WWOX: variants seen among roughly 807,000 people sequenced by gnomAD.
The protein encoded by WWOX is WW domain-containing oxidoreductase.
WWOX carries 69 observed loss-of-function variants against 46.2 expected under a neutral mutation model. The ratio of observed to expected loss-of-function variants is 1.49; its 90% CI spans 1.23 to 1.82. The LOEUF (loss-of-function observed/expected upper bound fraction) is 1.82, where lower values mean the gene tolerates loss of function less well. Ranked by LOEUF, WWOX falls within the 40% of genes most tolerant of loss-of-function variation. The pLI is 0.00. For synonymous variants in WWOX, 359 were observed against 202.6 expected, an observed-to-expected ratio of 1.77 and a Z score of -6.56; for missense variants, 919 against 542.6, an observed-to-expected ratio of 1.69 and a Z score of -6.89.
In WWOX at chr16:78,132,174, G is replaced by A. The variant is rs1038042385; in HGVS notation, c.409+17020G>A. Reference sequence around the variant, plus strand: ...CGAGTAGCTGGGACTACAGGTGCCCGCCACCACGCCCGGCTAATTTTTTTG... The same window carrying A: ...CGAGTAGCTGGGACTACAGGTGCCCACCACCACGCCCGGCTAATTTTTTTG... On this transcript the variant is annotated intron_variant, in intron 4 of 8. Coordinates refer to ENST00000566780, the MANE Select transcript of WWOX (RefSeq NM_016373.4). Among the ~76,000 whole-genome samples the A allele has an allele frequency of 7.3e-5, 11 of 151,592 alleles. No homozygotes were observed. In the South Asian group the frequency reaches 8.4e-4, roughly 12 times the overall value.
intron 8 of WWOX, among the ~76,000 whole-genome samples, chr16:78,625,126 G>A (rs1460025219): frequency 6.6e-6 from 1 of 152,200 alleles, no homozygotes; most frequent in Non-Finnish European, 1.5e-5. Flanking sequence ...CCATTCCTAA[G>A]CTACTAAAAC....
rs945552381 is a variant in WWOX at position 79,018,363 on chromosome 16, A to G, written c.1057-193245A>G. On this transcript the variant is annotated intron_variant, in intron 8 of 8. Transcript: ENST00000566780. ...GCCAAAGCCAAATAGTGCTCTGTAA[A>G]CATTATGATTTGTCAGTAATCAATG... 3.9e-5 allele frequency among the ~76,000 whole-genome samples: 6 copies of G among 152,226 alleles called. No homozygotes were observed. In the East Asian group the frequency reaches 7.7e-4, roughly 20 times the overall value.
At chr16:78,596,813 C>A (rs866694032) in intron 8 of WWOX, among the ~76,000 whole-genome samples, 2 of 73,108 alleles carry the variant, frequency 2.7e-5, no homozygotes, top group Non-Finnish European at 6.9e-5. Flanking sequence ...GTTTCAGCTG[C>A]CCTCATCTTT....
chr16:79,150,742 A>T (rs1169624248), intron 8 of WWOX, among the ~76,000 whole-genome samples: 1 of 152,148 alleles, frequency 6.6e-6, no homozygotes, highest in Non-Finnish European at 1.5e-5. Flanking sequence ...CCTGGACTCA[A>T]GTGACTTTAC....
At chr16:78,603,135 G>C (rs1567428848) in intron 8 of WWOX, among the ~76,000 whole-genome samples, 1 of 152,104 alleles carries the variant, frequency 6.6e-6, no homozygotes, top group Non-Finnish European at 1.5e-5. Flanking sequence ...CCCCACTCTT[G>C]GGCAAGGCTC....
chr16:78,656,323 C>G (rs768278869), intron 8 of WWOX, among the ~76,000 whole-genome samples: 1 of 152,086 alleles, frequency 6.6e-6, no homozygotes, highest in African/African-American at 2.4e-5. Context: ...TCTGTCCCCT[C>G]CTGGTGCCTG....
chr16:78,617,061 G>GA (rs2151638208), intron 8 of WWOX, among the ~76,000 whole-genome samples: 1 of 152,282 alleles, frequency 6.6e-6, no homozygotes, highest in South Asian at 2.1e-4. Flanking sequence ...CACATGGCCA[G>GA]AAAAATAGCT....
At chr16:78,775,725 G>A (rs942703922) in intron 8 of WWOX, among the ~76,000 whole-genome samples, 3 of 152,154 alleles carry the variant, frequency 2.0e-5, no homozygotes, top group African/African-American at 7.2e-5. Flanking sequence ...TCAATGGTGG[G>A]TATTATTATA....
chr16:79,053,683 C>T (rs1011628030), intron 8 of WWOX, among the ~76,000 whole-genome samples: 17 of 152,102 alleles, frequency 1.1e-4, no homozygotes, highest in South Asian at 2.1e-4. Context: ...GGTTGGGGAA[C>T]GCTTTTAGAG....
intron 8 of WWOX, among the ~76,000 whole-genome samples, chr16:79,015,169 C>T (rs1203597094): frequency 6.6e-6 from 1 of 152,106 alleles, no homozygotes; most frequent in African/African-American, 2.4e-5. Context: ...TGAGTTTCTG[C>T]AGTGTTCTAG....
chr16:78,591,777 G>T (rs575245414), intron 8 of WWOX, among the ~76,000 whole-genome samples: 1 of 152,310 alleles, frequency 6.6e-6, no homozygotes, highest in East Asian at 1.9e-4. Context: ...ACTGGACAGG[G>T]TGGCCTGGGG....
chr16:78,197,863 G>A (rs2036104246), intron 5 of WWOX, among the ~76,000 whole-genome samples: 1 of 152,066 alleles, frequency 6.6e-6, no homozygotes, highest in South Asian at 2.1e-4. Flanking sequence ...TGAAAACAGA[G>A]CCCCCATATG....
chr16:78,910,664 C>G (rs1274865354), intron 8 of WWOX, among the ~76,000 whole-genome samples: 1 of 151,932 alleles, frequency 6.6e-6, no homozygotes, highest in Non-Finnish European at 1.5e-5. Flanking sequence ...AGAAGGCAAA[C>G]AAGGAGCAAA....
intron 5 of WWOX, among the ~76,000 whole-genome samples, chr16:78,246,680 G>A (rs186247603): frequency 5.3e-5 from 8 of 152,278 alleles, no homozygotes; most frequent in African/African-American, 9.6e-5. Flanking sequence ...TTAAATGCCC[G>A]TGTTGATTTC....
intron 5 of WWOX, among the ~76,000 whole-genome samples, chr16:78,354,739 G>A (rs1283135096): frequency 3.9e-5 from 6 of 151,980 alleles, no homozygotes; most frequent in Non-Finnish European, 7.4e-5. Context: ...CTCTCATTCT[G>A]TTAAATTTTG....
intron 5 of WWOX, among the ~76,000 whole-genome samples, chr16:78,165,395 A>C (rs977968674): frequency 6.6e-6 from 1 of 152,206 alleles, no homozygotes; most frequent in Non-Finnish European, 1.5e-5. Context: ...AAAAACACAG[A>C]TCTTAATGTA....
intron 8 of WWOX, among the ~76,000 whole-genome samples, chr16:78,948,108 C>T (rs531340496): frequency 6.6e-6 from 1 of 152,208 alleles, no homozygotes; most frequent in Admixed American, 6.5e-5. Flanking sequence ...CTGCTAGCAT[C>T]TTGCCTTACT....
In WWOX at chr16:78,850,334, C is replaced by T. The variant is rs529917456; in HGVS notation, c.1057-361274C>T. ...CGCCTCCATAATATTAGTTATAATA[C>T]ATTGATACTACATCCCGAGTGTTTC... On this transcript the variant is annotated intron_variant, in intron 8 of 8. Transcript: ENST00000566780. Among the ~76,000 whole-genome samples, 28 of 152,282 alleles carry T rather than the reference C, an allele frequency of 1.8e-4. No homozygotes were observed. In the East Asian group the frequency reaches 4.6e-3, roughly 25 times the overall value.
At chr16:78,659,901 G>A (rs552201069) in intron 8 of WWOX, among the ~76,000 whole-genome samples, 19 of 152,198 alleles carry the variant, frequency 1.2e-4, no homozygotes, top group African/African-American at 4.3e-4. Context: ...ACTATCAGCC[G>A]CCTTCTCATC....
Sources: allele counts gnomAD v4.1 joint callset (sites outside exome capture counted in the v4.1 genomes callset), GRCh38; gene constraint gnomAD v4.1.1; transcripts MANE v1.5; gene names NCBI Gene and HGNC (gene_info 2026-07-23, HGNC 2026-07-21).